Variants in ADAMTSL1 observed in about 807,000 individuals in gnomAD.
ADAMTSL1 encodes the protein ADAMTS-like protein 1.
A neutral mutation model predicts 201.8 loss-of-function variants in ADAMTSL1; 126 were observed. That is an observed-to-expected ratio of 0.62 (90% CI 0.54 to 0.72). ADAMTSL1 has a LOEUF of 0.72. Ranked by LOEUF, ADAMTSL1 falls within the 30% of genes least tolerant of loss-of-function variation. ADAMTSL1 has a pLI of 0.00. For missense variants in ADAMTSL1, 2,679 were observed against 2,277.8 expected (o/e 1.18, Z -3.59); for synonymous variants, 1,121 against 903.4 (o/e 1.24, Z -4.32).
At chr9:18,286,310 T>G (rs1832991553) in intron 2 of ADAMTSL1, among the ~76,000 whole-genome samples, 1 of 152,220 alleles carries the variant, frequency 6.6e-6, no homozygotes, top group African/African-American at 2.4e-5. Flanking sequence ...AAAATGTTCA[T>G]GAAATACATG....
intron 20 of ADAMTSL1, among the ~76,000 whole-genome samples, chr9:18,800,063 T>G (rs376034829): frequency 6.6e-6 from 1 of 152,066 alleles, no homozygotes. Flanking sequence ...AAGGAAGATT[T>G]GCTCCCATGC....
intron 3 of ADAMTSL1, among the ~76,000 whole-genome samples, chr9:18,552,357 T>C (rs1820839569): frequency 6.6e-6 from 1 of 151,878 alleles, no homozygotes; most frequent in African/African-American, 2.4e-5. Context: ...ACAAATCTGT[T>C]CATTAACTTC....
Position 18,721,575 on chromosome 9 carries a change from CT to C in ADAMTSL1, c.1917del (p.Arg640GlyfsTer10). The C allele has an allele frequency of 3.7e-6, 6 of 1,613,990 alleles. No homozygotes were observed. Among genetic ancestry groups the C allele is most frequent in the Non-Finnish European group, 5.1e-6 (6 of 1,179,880 alleles). On this transcript the variant is annotated frameshift_variant, in exon 15 of 29. Coordinates refer to ENST00000380548, the MANE Select transcript of ADAMTSL1 (RefSeq NM_001040272.6). LOFTEE classifies it high-confidence loss of function. Reference protein sequence around the residue: ...EAVVSCLNKQTREPAEENLCV... With the variant: ...EAVVSCLNKQXREPAEENLCV... ...GTGGTGAGCTGCTTGAACAAACAGA[CT>C]CGGGAGCCTGCTGAGGAGAACCTGT...
chr9:18,894,889 A>G (rs1286379449), intron 26 of ADAMTSL1, among the ~76,000 whole-genome samples: 1 of 152,130 alleles, frequency 6.6e-6, no homozygotes, highest in Non-Finnish European at 1.5e-5. Flanking sequence ...AAACTGGGGG[A>G]AAAAGAGGAA....
rs1832367002 is a variant in ADAMTSL1 at position 18,708,608 on chromosome 9, G to A, written c.1876+1560G>A. Among the ~76,000 whole-genome samples, 2 of 152,178 alleles carry A rather than the reference G, an allele frequency of 1.3e-5. 1 individual carries two copies. The highest frequency in any genetic ancestry group is 4.1e-4 in the South Asian group (2 of 4,836). Reference sequence around the variant, plus strand: ...TCAGGTAGAAAGGCTGTTAGCCAGCGGCTACAGTTGCTTCTTTCCAACATA... The same window carrying A: ...TCAGGTAGAAAGGCTGTTAGCCAGCAGCTACAGTTGCTTCTTTCCAACATA... On this transcript the variant is annotated intron_variant, in intron 14 of 28. Coordinates refer to ENST00000380548, the MANE Select transcript of ADAMTSL1 (RefSeq NM_001040272.6).
At chr9:18,733,807 T>G (rs990445275) in intron 15 of ADAMTSL1, among the ~76,000 whole-genome samples, 2 of 152,062 alleles carry the variant, frequency 1.3e-5, no homozygotes, top group Admixed American at 6.6e-5. Context: ...CCTTGCCTTT[T>G]GACTACCCAA....
intron 2 of ADAMTSL1, among the ~76,000 whole-genome samples, chr9:18,332,882 A>C (rs996538438): frequency 2.0e-5 from 3 of 151,884 alleles, no homozygotes; most frequent in African/African-American, 7.3e-5. Context: ...TAAAATCCCA[A>C]CTCTGGCACT....
chr9:18,129,306 A>G (rs150141363), intron 1 of ADAMTSL1, among the ~76,000 whole-genome samples: 6 of 152,320 alleles, frequency 3.9e-5, no homozygotes, highest in Admixed American at 3.3e-4. Flanking sequence ...TTGCAGGCCA[A>G]TAGAGCTAGA....
At chr9:17,976,306 A>T (rs1282123442) in intron 1 of ADAMTSL1, among the ~76,000 whole-genome samples, 1 of 151,962 alleles carries the variant, frequency 6.6e-6, no homozygotes, top group Non-Finnish European at 1.5e-5. Context: ...TCTGTATATC[A>T]TTTTGGGTAG....
chr9:18,693,436 T>C (rs909672723), intron 13 of ADAMTSL1, among the ~76,000 whole-genome samples: 1 of 152,202 alleles, frequency 6.6e-6, no homozygotes, highest in African/African-American at 2.4e-5. Context: ...AGTTTGGGTA[T>C]AGTAACTCTA....
chr9:18,079,105 G>A (rs1265050242), intron 1 of ADAMTSL1, among the ~76,000 whole-genome samples: 1 of 152,044 alleles, frequency 6.6e-6, no homozygotes, highest in African/African-American at 2.4e-5. Flanking sequence ...GACTCAAGAG[G>A]GCAGGTATCC....
At chr9:18,149,143 C>T (rs1408385607) in intron 1 of ADAMTSL1, among the ~76,000 whole-genome samples, 1 of 151,988 alleles carries the variant, frequency 6.6e-6, no homozygotes, top group African/African-American at 2.4e-5. Context: ...TCTGCTAGGG[C>T]TAGAAACTGG....
intron 3 of ADAMTSL1, among the ~76,000 whole-genome samples, chr9:18,542,485 G>A (rs1427192550): frequency 6.6e-6 from 1 of 152,152 alleles, no homozygotes; most frequent in Non-Finnish European, 1.5e-5. Flanking sequence ...ATGTAATTAA[G>A]TTAAAATAAG....
chr9:18,235,232 G>T (rs1309806526), intron 2 of ADAMTSL1, among the ~76,000 whole-genome samples: 1 of 152,120 alleles, frequency 6.6e-6, no homozygotes, highest in Non-Finnish European at 1.5e-5. Flanking sequence ...GAAAATATTA[G>T]TCAGGTATTT....
intron 2 of ADAMTSL1, among the ~76,000 whole-genome samples, chr9:18,176,642 T>C (rs958787211): frequency 1.3e-5 from 2 of 152,172 alleles, no homozygotes; most frequent in African/African-American, 4.8e-5. Flanking sequence ...ATTTAAAGAA[T>C]ACAGGAATTC....
chr9:17,964,413 C>T (rs1437027536), intron 1 of ADAMTSL1, among the ~76,000 whole-genome samples: 9 of 152,026 alleles, frequency 5.9e-5, no homozygotes, highest in East Asian at 1.9e-4. Context: ...AAAATTATAG[C>T]GATGAAAACA....
At chr9:17,946,119 G>C (rs1827464282) in intron 1 of ADAMTSL1, among the ~76,000 whole-genome samples, 1 of 143,454 alleles carries the variant, frequency 7.0e-6, no homozygotes, top group African/African-American at 2.6e-5. Flanking sequence ...TGTACAAACA[G>C]AATTGAATGA....
chr9:18,571,141 C>T (rs959521217), intron 3 of ADAMTSL1, among the ~76,000 whole-genome samples: 1 of 152,140 alleles, frequency 6.6e-6, no homozygotes, highest in Non-Finnish European at 1.5e-5. Context: ...TCATAGGAGA[C>T]TCTGTAGAGG....
At chr9:18,349,325 G>T (rs1356691410) in intron 2 of ADAMTSL1, among the ~76,000 whole-genome samples, 10 of 152,148 alleles carry the variant, frequency 6.6e-5, no homozygotes, top group Admixed American at 6.5e-4. Flanking sequence ...ACAACTTTAT[G>T]GCTGCCTTTA....
Sources: allele counts gnomAD v4.1 joint callset (sites outside exome capture counted in the v4.1 genomes callset), GRCh38; gene constraint gnomAD v4.1.1; transcripts MANE v1.5; gene names NCBI Gene and HGNC (gene_info 2026-07-23, HGNC 2026-07-21).